EHD4: variants seen among roughly 807,000 people sequenced by gnomAD.
EHD4 encodes EH domain containing 4.
A neutral mutation model predicts 51.0 loss-of-function variants in EHD4; 37 were observed. That is an observed-to-expected ratio of 0.73 (90% confidence interval 0.56 to 0.95). EHD4 has a LOEUF of 0.95. EHD4 is among the 40% of genes least tolerant of loss of function. The pLI is 0.00. For synonymous variants in EHD4, 297 were observed against 317.3 expected, an observed-to-expected ratio of 0.94 and a Z score of 0.68; for missense variants, 632 against 733.1, an observed-to-expected ratio of 0.86 and a Z score of 1.59.
At chr15:41,926,389 C>A (rs79861715) in intron 3 of EHD4, among the ~76,000 whole-genome samples, 1 of 152,094 alleles carries the variant, frequency 6.6e-6, no homozygotes, top group Non-Finnish European at 1.5e-5. Context: ...CTGCCCGCCC[C>A]TCCCATAGTT....
Position 41,900,431 on chromosome 15 carries a change from A to AC in EHD4, c.*213dup. ...TCTCAACCCTTCAATCTCCTAATCC[A>AC]CCCCCCTACCCCCAATATTTTCATA... On this transcript the variant is annotated 3_prime_UTR_variant, in exon 6 of 6. Coordinates refer to ENST00000220325, the MANE Select transcript of EHD4 (RefSeq NM_139265.4). This position sits in a 1 kb window ranked among gnomAD's most constrained non-coding sequence, Gnocchi z 4.8. 1 of 587,140 alleles carries AC rather than the reference A, an allele frequency of 1.7e-6. No homozygotes were observed. The highest frequency in any genetic ancestry group is 3.0e-6 in the Non-Finnish European group (1 of 336,760). 36.4% of individuals were successfully genotyped at this position (587,140 alleles called of 1,614,324 possible).
intron 5 of EHD4, among the ~76,000 whole-genome samples, chr15:41,905,045 A>G (rs2067503564): frequency 1.3e-5 from 2 of 152,238 alleles, no homozygotes; most frequent in Admixed American, 1.3e-4. Context: ...CGTGACCCTG[A>G]TATGTGCAAA....
chr15:41,924,464 G>A (rs2067647998), intron 3 of EHD4, among the ~76,000 whole-genome samples: 1 of 152,206 alleles, frequency 6.6e-6, no homozygotes, highest in Non-Finnish European at 1.5e-5. Context: ...CAGGCCTCAG[G>A]AGCTGCAGAG....
intron 4 of EHD4, among the ~76,000 whole-genome samples, chr15:41,917,802 G>A (rs2067594931): frequency 6.6e-6 from 1 of 152,182 alleles, no homozygotes; most frequent in South Asian, 2.1e-4. Context: ...GAGCAAAAAT[G>A]GCTTGTAGCT....
chr15:41,963,163 C>A (rs1595546841), intron 1 of EHD4, among the ~76,000 whole-genome samples: 1 of 152,118 alleles, frequency 6.6e-6, no homozygotes, highest in Non-Finnish European at 1.5e-5. Flanking sequence ...TGCGGAAGGC[C>A]GCAGGGTCCT....
chr15:41,951,728 G>C (rs940667156), intron 2 of EHD4, among the ~76,000 whole-genome samples: 8 of 152,106 alleles, frequency 5.3e-5, no homozygotes, highest in Non-Finnish European at 1.0e-4. Flanking sequence ...CTCCTGTTCT[G>C]GTCTACTTCC....
At chr15:41,909,961 G>A in intron 4 of EHD4, 98 bp from the exon 5 acceptor site, 2 of 1,473,086 alleles carry the variant, frequency 1.4e-6, no homozygotes, top group Non-Finnish European at 1.9e-6. Context: ...ACACATAACA[G>A]GTACCCACAC....
At chr15:41,956,565 A>G (rs996759103) in intron 1 of EHD4, among the ~76,000 whole-genome samples, 2 of 152,254 alleles carry the variant, frequency 1.3e-5, no homozygotes. Context: ...AGAAGAGCAG[A>G]TGTTTCCTAC....
chr15:41,927,496 G>A (rs1339055448), intron 3 of EHD4, among the ~76,000 whole-genome samples: 3 of 152,198 alleles, frequency 2.0e-5, no homozygotes, highest in Admixed American at 1.3e-4. Context: ...CACATCCAAT[G>A]GAATACTATT....
At chr15:41,939,136 C>A (rs2067750349) in intron 3 of EHD4, among the ~76,000 whole-genome samples, 2 of 152,170 alleles carry the variant, frequency 1.3e-5, no homozygotes, top group Admixed American at 1.3e-4. Flanking sequence ...AAGAGTGAAC[C>A]AACTCAGATT....
intron 3 of EHD4, among the ~76,000 whole-genome samples, chr15:41,931,840 C>T (rs990221785): frequency 6.6e-6 from 1 of 152,106 alleles, no homozygotes; most frequent in South Asian, 2.1e-4. Flanking sequence ...CCACGCCTGG[C>T]TAATTTTTGT....
At chr15:41,966,539 G>C (rs1295518949) in intron 1 of EHD4, among the ~76,000 whole-genome samples, 2 of 152,248 alleles carry the variant, frequency 1.3e-5, no homozygotes, top group Non-Finnish European at 2.9e-5. Flanking sequence ...CATATGGTCA[G>C]GGTCAAACCA....
intron 3 of EHD4, among the ~76,000 whole-genome samples, chr15:41,920,858 TACTC>T (rs2067620069): frequency 6.6e-6 from 1 of 152,164 alleles, no homozygotes; most frequent in African/African-American, 2.4e-5. Flanking sequence ...AAATACAAAA[TACTC>T]AACCATCTGT....
chr15:41,965,405 C>T (rs1480185112), intron 1 of EHD4, among the ~76,000 whole-genome samples: 1 of 152,184 alleles, frequency 6.6e-6, no homozygotes, highest in East Asian at 1.9e-4. Flanking sequence ...GAAATGTGAA[C>T]AGATGGGGTT....
intron 5 of EHD4, among the ~76,000 whole-genome samples, chr15:41,901,879 G>A (rs1308305496): frequency 1.3e-5 from 2 of 152,184 alleles, no homozygotes; most frequent in Non-Finnish European, 2.9e-5. Context: ...AAGGTATCGA[G>A]GCAGGGCCAC....
At chr15:41,930,680 C>T (rs1262758115) in intron 3 of EHD4, among the ~76,000 whole-genome samples, 2 of 152,208 alleles carry the variant, frequency 1.3e-5, no homozygotes, top group African/African-American at 4.8e-5. Flanking sequence ...ACAGCTGGCA[C>T]TGCAGACCAG....
rs921772852 is a variant in EHD4, at chr15:41,898,669, C to G, written c.*1976G>C. The G allele has an allele frequency of 2.0e-5, 3 of 152,118 alleles. No individual in the cohort carries two copies. Among genetic ancestry groups the G allele is most frequent in the African/African-American group, 2.4e-5 (1 of 41,400 alleles). The allele number at this position is 152,118 out of a possible 1,614,324, so 9.4% of individuals were successfully genotyped here. On this transcript the variant is annotated 3_prime_UTR_variant, in exon 6 of 6. Transcript: ENST00000220325. ...ATTGACCAACATGGTAAAACCCCAT[C>G]TCTACTAAAATACAAAAATTAGCCG... is the stretch of plus-strand genomic sequence containing the variant.
At chr15:41,918,217 T>TAC (rs10682608) in intron 4 of EHD4, among the ~76,000 whole-genome samples, 7,324 of 147,356 alleles carry the variant, frequency 0.05, 179 homozygotes, top group Non-Finnish European at 0.062. Context: ...CAGGGAGCTT[T>TAC]ACACACACAC....
At chr15:41,966,497 C>T (rs1566828686) in intron 1 of EHD4, among the ~76,000 whole-genome samples, 1 of 152,188 alleles carries the variant, frequency 6.6e-6, no homozygotes, top group Admixed American at 6.5e-5. Context: ...ACATTTCATG[C>T]CCCTGCCCCT....
Sources: gnomAD v4.1 joint callset for allele counts (sites outside exome capture counted in the v4.1 genomes callset) on GRCh38, gnomAD v4.1.1 for gene constraint, Gnocchi (gnomAD v3.1) non-coding constraint, MANE v1.5 for transcripts, NCBI Gene and HGNC (gene_info 2026-07-23, HGNC 2026-07-21) for gene names.